BAZ2B: variants seen among roughly 807,000 people sequenced by gnomAD.
BAZ2B encodes the protein bromodomain adjacent to zinc finger domain protein 2B.
Under a neutral mutation model 246.0 loss-of-function variants are expected in BAZ2B, and 91 were observed. The ratio of observed to expected loss-of-function variants is 0.37; its 90% CI spans 0.31 to 0.44. The LOEUF is 0.44. Ranked by LOEUF, BAZ2B falls within the 20% of genes least tolerant of loss-of-function variation. The pLI, the probability that BAZ2B is intolerant of heterozygous loss-of-function variation, is 1.00. For synonymous variants in BAZ2B, 855 were observed against 860.0 expected, an observed-to-expected ratio of 0.99 and a Z score of 0.10; for missense variants, 2,332 against 2,533.7, an observed-to-expected ratio of 0.92 and a Z score of 1.71.
At chr2:159,334,771 G>C (rs376020083) in intron 33 of BAZ2B, among the ~76,000 whole-genome samples, 3 of 152,188 alleles carry the variant, frequency 2.0e-5, no homozygotes, top group East Asian at 1.9e-4. Flanking sequence ...CAATATAAAG[G>C]CAGGTTTTGA....
intron 13 of BAZ2B, among the ~76,000 whole-genome samples, chr2:159,421,380 G>A (rs1477935308): frequency 6.6e-6 from 1 of 151,946 alleles, no homozygotes; most frequent in Non-Finnish European, 1.5e-5. Flanking sequence ...TTGATACATT[G>A]CTCAGGCTAG....
chr2:159,506,029 A>G (rs755909836), intron 2 of BAZ2B, among the ~76,000 whole-genome samples: 39 of 152,174 alleles, frequency 2.6e-4, no homozygotes, highest in Non-Finnish European at 4.0e-4. Context: ...CCTGTCAACA[A>G]TGACAGAGAA....
intron 5 of BAZ2B, 90 bp downstream of exon 5, chr2:159,448,152 A>T: frequency 6.9e-7 from 1 of 1,459,254 alleles, no homozygotes; most frequent in Non-Finnish European, 9.2e-7. Context: ...AACAAAAACA[A>T]AAAACAAAAA....
At position 159,355,468 on chromosome 2, in the gene BAZ2B, A is replaced by G. The variant is rs757862743; in HGVS notation, c.4214-5111T>C. 1.3e-3 allele frequency among the ~76,000 whole-genome samples: 205 copies of G among 152,304 alleles called. 1 individual carries two copies. The highest frequency in any genetic ancestry group is 3.4e-3 in the Middle Eastern group (1 of 294). ...CCAGAAAATTTTAAGATGATAACATAAAACCATTACCCTTAATGAAAGATT... is the reference window on the plus strand; with the variant it reads ...CCAGAAAATTTTAAGATGATAACATGAAACCATTACCCTTAATGAAAGATT... On this transcript the variant is annotated intron_variant, in intron 27 of 36. Transcript: ENST00000392783.
At chr2:159,626,289 T>C in the BAZ2B span, among the ~76,000 whole-genome samples, 376 of 152,028 alleles carry the variant, frequency 2.5e-3, 2 homozygotes, top group African/African-American at 8.7e-3. Context: ...AAATTAAGAA[T>C]ATTCAGGACT....
At chr2:159,433,738 C>G (rs2071588367) in intron 8 of BAZ2B, 2 of 164,724 alleles carry the variant, frequency 1.2e-5, no homozygotes, top group African/African-American at 4.8e-5. Flanking sequence ...AACCAAGAAG[C>G]TTTCCAAATT....
chr2:159,383,774 C>T, intron 23 of BAZ2B, 94 bp from the exon 24 acceptor site: 2 of 1,074,056 alleles, frequency 1.9e-6, no homozygotes, highest in Non-Finnish European at 2.7e-6. Context: ...TAAATTAATG[C>T]ATTTTTGAAT....
At chr2:159,343,355 A>C (rs910872282) in intron 31 of BAZ2B, among the ~76,000 whole-genome samples, 3 of 152,196 alleles carry the variant, frequency 2.0e-5, no homozygotes, top group Admixed American at 6.5e-5. Flanking sequence ...TTTATATATA[A>C]AACTTCAAAA....
chr2:159,320,406 A>C lies in BAZ2B; in HGVS notation c.6366T>G (p.Leu2122=). The stretch of plus-strand genomic sequence containing the variant: ...GCCTGACATCTAGAGCAAAGGTTTC[A>C]AGGTTTGGATACCTGAAAGAAAACA... ...EKLSSGQYPN[L]ETFALDVRLV... Residue 2122 remains leucine (L), a synonymous_variant, in exon 37 of 37, where the codon CTT becomes CTG. Transcript: ENST00000392783. The C allele has an allele frequency of 6.4e-7, 1 of 1,566,326 alleles. No individual in the cohort carries two copies. The highest frequency in any genetic ancestry group is 2.4e-5 in the East Asian group (1 of 42,158).
chr2:159,551,080 C>T (rs896365834), intron 2 of BAZ2B, among the ~76,000 whole-genome samples: 1 of 152,104 alleles, frequency 6.6e-6, no homozygotes, highest in African/African-American at 2.4e-5. Flanking sequence ...TCAAGCAATC[C>T]CCCCTGTTGG....
chr2:159,414,313 GTTATAAA>G (rs1230899547), intron 13 of BAZ2B, among the ~76,000 whole-genome samples: 2 of 151,994 alleles, frequency 1.3e-5, no homozygotes, highest in African/African-American at 4.8e-5. Context: ...ATGGTTAATA[GTTATAAA>G]AAATATGTGG....
At chr2:159,511,481 C>T (rs1233607202) in intron 2 of BAZ2B, among the ~76,000 whole-genome samples, 1 of 152,156 alleles carries the variant, frequency 6.6e-6, no homozygotes, top group African/African-American at 2.4e-5. Context: ...GCTGGCACTA[C>T]AGGCGTGAGG....
chr2:159,520,339 TCTC>T (rs1298140857), intron 2 of BAZ2B, among the ~76,000 whole-genome samples: 1 of 152,132 alleles, frequency 6.6e-6, no homozygotes, highest in Non-Finnish European at 1.5e-5. Context: ...TCATATCTCT[TCTC>T]CTACCTCATT....
intron 25 of BAZ2B, among the ~76,000 whole-genome samples, chr2:159,377,812 C>CAAAAAAAAAAAAAAAAAAAAAAAAAAA (rs35570732): frequency 1.1e-5 from 1 of 94,168 alleles, no homozygotes; most frequent in African/African-American, 4.0e-5. Context: ...ACTCTGTCTC[C>CAAAAAAAAAAAAAAAAAAAAAAAAAAA]AAAAAAAAAA....
At chr2:159,706,847 T>C in the BAZ2B span, among the ~76,000 whole-genome samples, 1 of 152,222 alleles carries the variant, frequency 6.6e-6, no homozygotes, top group African/African-American at 2.4e-5. Context: ...GTGGTTAATA[T>C]CTACAATCTG....
At chr2:159,497,412 T>C (rs2081279068) in intron 2 of BAZ2B, among the ~76,000 whole-genome samples, 1 of 152,222 alleles carries the variant, frequency 6.6e-6, no homozygotes, top group African/African-American at 2.4e-5. Context: ...ACAGACTGCC[T>C]AATTCAGCAG....
intron 30 of BAZ2B, among the ~76,000 whole-genome samples, chr2:159,348,023 T>C (rs1471489173): frequency 6.6e-6 from 1 of 152,074 alleles, no homozygotes; most frequent in Admixed American, 6.5e-5. Context: ...ACATCCCTTA[T>C]ATAAAATGGT....
At chr2:159,629,803 A>C in the BAZ2B span, among the ~76,000 whole-genome samples, 82,578 of 151,834 alleles carry the variant, frequency 0.54, 23,323 homozygotes, top group East Asian at 0.74. Context: ...TGCACATGTA[A>C]CCCAGAACTT....
downstream of BAZ2B, among the ~76,000 whole-genome samples, chr2:159,316,726 A>G (rs1575534583): frequency 6.7e-6 from 1 of 148,854 alleles, no homozygotes; most frequent in Non-Finnish European, 1.5e-5. Flanking sequence ...AAGAAAGAAA[A>G]GAACATTTTA....
Sources: allele counts gnomAD v4.1 joint callset (sites outside exome capture counted in the v4.1 genomes callset), GRCh38; gene constraint gnomAD v4.1.1; transcripts MANE v1.5; gene names NCBI Gene and HGNC (gene_info 2026-07-23, HGNC 2026-07-21).